Variants in ADGRL3 observed in about 807,000 individuals in gnomAD.
The protein encoded by ADGRL3 is adhesion G protein-coupled receptor L3.
A neutral mutation model predicts 153.5 loss-of-function variants in ADGRL3; 62 were observed. The observed-to-expected ratio is 0.40, with a 90% confidence interval of 0.33 to 0.50. The LOEUF (loss-of-function observed/expected upper bound fraction) is 0.50. Among genes scored for constraint, ADGRL3 ranks in the 20% least tolerant of loss-of-function variants. The pLI, the probability that ADGRL3 is intolerant of heterozygous loss-of-function variation, is 0.47. For synonymous variants in ADGRL3, 710 were observed against 672.5 expected (o/e 1.06, Z -0.86); for missense variants, 1,641 against 1,859.4 (o/e 0.88, Z 2.16).
intron 6 of ADGRL3, among the ~76,000 whole-genome samples, chr4:61,717,496 G>C (rs923358129): frequency 9.2e-5 from 14 of 151,978 alleles, no homozygotes; most frequent in African/African-American, 3.4e-4. Context: ...TTGTGACCTT[G>C]AGCAAGTAAT....
intron 2 of ADGRL3, among the ~76,000 whole-genome samples, chr4:61,485,832 C>T (rs930712815): frequency 3.3e-5 from 5 of 151,834 alleles, no homozygotes; most frequent in Admixed American, 2.6e-4. Context: ...CTAGTTTAGA[C>T]CCTGAAATGC....
intron 8 of ADGRL3, among the ~76,000 whole-genome samples, chr4:61,765,811 C>G (rs1484583459): frequency 6.6e-6 from 1 of 151,982 alleles, no homozygotes. Flanking sequence ...GGCAAATCCT[C>G]GAGCTTGATG....
chr4:61,732,065 A>C (rs991802353), intron 7 of ADGRL3, among the ~76,000 whole-genome samples: 1 of 152,148 alleles, frequency 6.6e-6, no homozygotes, highest in Non-Finnish European at 1.5e-5. Flanking sequence ...ATTAAAATCT[A>C]GATCTTGGGT....
chr4:61,236,780 C>T (rs1222556047), intron 1 of ADGRL3, among the ~76,000 whole-genome samples: 1 of 152,020 alleles, frequency 6.6e-6, no homozygotes, highest in Non-Finnish European at 1.5e-5. Flanking sequence ...AGTTGTTATT[C>T]ATTTCTTAAT....
intron 6 of ADGRL3, among the ~76,000 whole-genome samples, chr4:61,727,337 GGA>G (rs2096366232): frequency 1.3e-5 from 2 of 151,776 alleles, no homozygotes; most frequent in Non-Finnish European, 1.5e-5. Flanking sequence ...ATCACTTTAA[GGA>G]AATATATAAA....
intron 9 of ADGRL3, among the ~76,000 whole-genome samples, chr4:61,876,475 A>T (rs2098475811): frequency 6.6e-6 from 1 of 152,188 alleles, no homozygotes; most frequent in African/African-American, 2.4e-5. Flanking sequence ...CTTTTCCTGA[A>T]TTAATGTCTA....
At chr4:61,360,843 A>G (rs912096494) in intron 1 of ADGRL3, among the ~76,000 whole-genome samples, 1 of 152,208 alleles carries the variant, frequency 6.6e-6, no homozygotes, top group African/African-American at 2.4e-5. Flanking sequence ...CATATAAACA[A>G]CAGCAATAAT....
At chr4:61,247,146 C>CT (rs987999600) in intron 1 of ADGRL3, among the ~76,000 whole-genome samples, 18 of 150,664 alleles carry the variant, frequency 1.2e-4, no homozygotes, top group Admixed American at 6.6e-4. Context: ...AAAGCAGTCA[C>CT]TTTTTTTTTA....
chr4:61,207,268 A>G (rs1260375555), intron 1 of ADGRL3, among the ~76,000 whole-genome samples: 1 of 152,016 alleles, frequency 6.6e-6, no homozygotes, highest in African/African-American at 2.4e-5. Context: ...CTCATTGTTC[A>G]ACTCCAACTT....
At chr4:61,410,219 G>A (rs146581021) in intron 2 of ADGRL3, among the ~76,000 whole-genome samples, 43 of 152,112 alleles carry the variant, frequency 2.8e-4, no homozygotes, top group African/African-American at 9.4e-4. Context: ...GTAGCATTTG[G>A]AGATGAGCTA....
rs1264073771 is a variant in ADGRL3, at chr4:61,456,451, ATC to A, written c.-173-40668_-173-40667del. ...TATCTATATATATAGATATATCTAT[ATC>A]TATATATATAGATATATCTATATCT... On this transcript the variant is annotated intron_variant, in intron 2 of 26. Transcript: ENST00000683033. Among the ~76,000 whole-genome samples, 172 of 120,640 alleles carry A rather than the reference ATC, an allele frequency of 1.4e-3. 1 individual carries two copies. The highest frequency in any genetic ancestry group is 4.6e-3 in the African/African-American group (142 of 31,054). The allele number at this position is 120,640 out of a possible 152,430, so 79.1% of individuals were successfully genotyped here.
At chr4:61,876,626 G>A (rs1381811317) in intron 9 of ADGRL3, among the ~76,000 whole-genome samples, 1 of 151,904 alleles carries the variant, frequency 6.6e-6, no homozygotes. Flanking sequence ...ACGGAGTTGG[G>A]CCTGGGAGGG....
At chr4:61,839,757 G>A (rs1025313665) in intron 9 of ADGRL3, among the ~76,000 whole-genome samples, 10 of 151,514 alleles carry the variant, frequency 6.6e-5, no homozygotes, top group Admixed American at 6.6e-4. Flanking sequence ...AACATAGTGA[G>A]ACCCTGTCTC....
chr4:62,049,827 CT>C (rs1023873187), intron 25 of ADGRL3, among the ~76,000 whole-genome samples: 2 of 152,088 alleles, frequency 1.3e-5, no homozygotes, highest in Non-Finnish European at 2.9e-5. Context: ...TGGCAAATTG[CT>C]TAACTTCTCA....
At chr4:61,951,601 C>T (rs749025122) in intron 17 of ADGRL3, among the ~76,000 whole-genome samples, 1 of 152,182 alleles carries the variant, frequency 6.6e-6, no homozygotes, top group Non-Finnish European at 1.5e-5. Flanking sequence ...CGTAGTGGCT[C>T]ATGCAAGTAA....
chr4:61,949,500 C>T (rs543330481), intron 17 of ADGRL3, among the ~76,000 whole-genome samples: 107 of 152,114 alleles, frequency 7.0e-4, no homozygotes, highest in Non-Finnish European at 1.0e-3. Flanking sequence ...GAGTTAGAGA[C>T]CAGACTGACT....
intron 5 of ADGRL3, among the ~76,000 whole-genome samples, chr4:61,618,995 G>A (rs899929546): frequency 1.3e-5 from 2 of 152,172 alleles, no homozygotes; most frequent in African/African-American, 4.8e-5. Context: ...TGGGATTACA[G>A]GCATGAGCCA....
intron 2 of ADGRL3, among the ~76,000 whole-genome samples, chr4:61,483,843 G>T (rs967386141): frequency 6.6e-6 from 1 of 150,556 alleles, no homozygotes; most frequent in Non-Finnish European, 1.5e-5. Context: ...GTAGTTATAT[G>T]TACATTTATA....
chr4:61,974,606 T>C (rs2099041508), intron 17 of ADGRL3, among the ~76,000 whole-genome samples: 1 of 152,170 alleles, frequency 6.6e-6, no homozygotes, highest in Non-Finnish European at 1.5e-5. Flanking sequence ...CCTCAGTTAT[T>C]TTACTGCTTT....
Sources: gnomAD v4.1 joint callset for allele counts (sites outside exome capture counted in the v4.1 genomes callset) on GRCh38, gnomAD v4.1.1 for gene constraint, MANE v1.5 for transcripts, NCBI Gene and HGNC (gene_info 2026-07-23, HGNC 2026-07-21) for gene names.